CNTNAP2: variants seen among roughly 807,000 people sequenced by gnomAD.
The protein encoded by CNTNAP2 is contactin-associated protein-like 2.
In CNTNAP2, 98 loss-of-function variants were observed where a neutral mutation model predicts 155.2. That is an observed-to-expected ratio of 0.63 (90% confidence interval 0.54 to 0.75). The LOEUF is 0.75. Among genes scored for constraint, CNTNAP2 ranks in the 30% least tolerant of loss-of-function variants. CNTNAP2 has a pLI of 0.00. For missense variants in CNTNAP2, 1,727 were observed against 1,688.1 expected (o/e 1.02, Z -0.40); for synonymous variants, 651 against 631.2 (o/e 1.03, Z -0.47).
intron 1 of CNTNAP2, among the ~76,000 whole-genome samples, chr7:146,450,418 A>G (rs1796461873): frequency 1.3e-5 from 2 of 152,200 alleles, no homozygotes; most frequent in South Asian, 4.1e-4. Context: ...GGCAGGATTT[A>G]CTCATTTTCT....
chr7:146,129,222 A>C (rs1419923238), intron 1 of CNTNAP2, among the ~76,000 whole-genome samples: 1 of 152,190 alleles, frequency 6.6e-6, no homozygotes, highest in Non-Finnish European at 1.5e-5. Flanking sequence ...TTGTTGGCAC[A>C]ATTAGAATCA....
chr7:146,433,813 G>T (rs1282046599), intron 1 of CNTNAP2, among the ~76,000 whole-genome samples: 1 of 152,126 alleles, frequency 6.6e-6, no homozygotes. Flanking sequence ...ATGATATGTT[G>T]ATTTGAATAA....
chr7:146,745,135 A>AAAC (rs953872628), intron 1 of CNTNAP2, among the ~76,000 whole-genome samples: 2 of 152,156 alleles, frequency 1.3e-5, no homozygotes, highest in African/African-American at 2.4e-5. Context: ...TGGTTTTAGA[A>AAAC]AACAACAACA....
At chr7:146,143,866 G>C (rs766335914) in intron 1 of CNTNAP2, among the ~76,000 whole-genome samples, 2 of 151,862 alleles carry the variant, frequency 1.3e-5, no homozygotes, top group Non-Finnish European at 2.9e-5. Flanking sequence ...GGGTTCAAGC[G>C]ATTTTCCTGC....
intron 1 of CNTNAP2, among the ~76,000 whole-genome samples, chr7:146,610,308 C>T (rs1799115295): frequency 6.6e-6 from 1 of 152,096 alleles, no homozygotes; most frequent in Non-Finnish European, 1.5e-5. Context: ...GAGCAGCACC[C>T]AAACAGAGTA....
chr7:147,897,525 T>C (rs951936274), intron 13 of CNTNAP2, among the ~76,000 whole-genome samples: 38 of 152,300 alleles, frequency 2.5e-4, no homozygotes, highest in African/African-American at 8.7e-4. Flanking sequence ...GTCAGCTTTT[T>C]GAATGCAATG....
intron 10 of CNTNAP2, among the ~76,000 whole-genome samples, chr7:147,434,546 A>G (rs1384717767): frequency 6.6e-6 from 1 of 152,232 alleles, no homozygotes; most frequent in East Asian, 1.9e-4. Context: ...GGCTCATAAT[A>G]TCTTCCGTCT....
At chr7:146,850,142 T>C (rs1415889552) in intron 3 of CNTNAP2, among the ~76,000 whole-genome samples, 1 of 152,200 alleles carries the variant, frequency 6.6e-6, no homozygotes, top group Admixed American at 6.5e-5. Flanking sequence ...CAAAAAGATA[T>C]AGTGCTGACA....
intron 1 of CNTNAP2, among the ~76,000 whole-genome samples, chr7:146,624,106 A>T (rs1179064750): frequency 6.6e-6 from 1 of 151,936 alleles, no homozygotes; most frequent in Non-Finnish European, 1.5e-5. Flanking sequence ...CAATTTAGTA[A>T]TTGGGCTATT....
chr7:146,936,324 C>T (rs566388293), intron 3 of CNTNAP2, among the ~76,000 whole-genome samples: 23 of 152,232 alleles, frequency 1.5e-4, no homozygotes, highest in African/African-American at 5.5e-4. Context: ...ACACATAGAT[C>T]CTAGAACAGA....
chr7:148,113,381 C>T (rs1804397609), intron 15 of CNTNAP2, among the ~76,000 whole-genome samples: 1 of 152,196 alleles, frequency 6.6e-6, no homozygotes, highest in Non-Finnish European at 1.5e-5. Flanking sequence ...ATCACAAAGA[C>T]AGCACCAAGG....
intron 18 of CNTNAP2, among the ~76,000 whole-genome samples, chr7:148,200,011 G>T (rs1795342280): frequency 6.6e-6 from 1 of 152,226 alleles, no homozygotes; most frequent in Non-Finnish European, 1.5e-5. Flanking sequence ...GCACAAGAGA[G>T]GGTGAATTCC....
intron 16 of CNTNAP2, among the ~76,000 whole-genome samples, chr7:148,143,453 T>C (rs979454623): frequency 1.3e-5 from 2 of 152,038 alleles, no homozygotes; most frequent in Non-Finnish European, 2.9e-5. Context: ...CTGAGATGGG[T>C]GGATAGCTTG....
rs150216495 is a variant in CNTNAP2, at chr7:147,871,373, T to C, written c.2099-32192T>C. On this transcript the variant is annotated intron_variant, in intron 13 of 23. Transcript: ENST00000361727. The stretch of plus-strand genomic sequence containing the variant: ...CCTCCATGGCCCCCTGCCCCAGATA[T>C]TTTACTGGGCTCGGGCTTTACAAAA... Among the ~76,000 whole-genome samples, 1,493 of 152,336 alleles carry C rather than the reference T, an allele frequency of 9.8e-3. 31 individuals are homozygous for C. Among genetic ancestry groups the C allele is most frequent in the African/African-American group, 0.034 (1,410 of 41,568 alleles).
intron 21 of CNTNAP2, among the ~76,000 whole-genome samples, chr7:148,321,900 T>C (rs1233491700): frequency 6.6e-6 from 1 of 150,970 alleles, no homozygotes; most frequent in Non-Finnish European, 1.5e-5. Context: ...AATTCTTCTT[T>C]TTTTTTTTTT....
chr7:147,551,648 C>G (rs1388199766), intron 11 of CNTNAP2, among the ~76,000 whole-genome samples: 4 of 152,154 alleles, frequency 2.6e-5, no homozygotes, highest in African/African-American at 9.7e-5. Context: ...AGTTCCTTAT[C>G]CTGAACCTAA....
intron 1 of CNTNAP2, among the ~76,000 whole-genome samples, chr7:146,624,702 T>C (rs1286427271): frequency 6.6e-6 from 1 of 151,956 alleles, no homozygotes; most frequent in Non-Finnish European, 1.5e-5. Flanking sequence ...TTGTAGCTAT[T>C]TCATGTCTCT....
At chr7:147,513,819 C>T (rs546808848) in intron 11 of CNTNAP2, among the ~76,000 whole-genome samples, 2 of 152,346 alleles carry the variant, frequency 1.3e-5, no homozygotes, top group African/African-American at 4.8e-5. Flanking sequence ...GAGACGCATG[C>T]TTCAATCTGC....
chr7:146,128,189 A>C (rs909410884), intron 1 of CNTNAP2, among the ~76,000 whole-genome samples: 1 of 152,186 alleles, frequency 6.6e-6, no homozygotes, highest in African/African-American at 2.4e-5. Flanking sequence ...CCTTAGGCTG[A>C]TAGGTATTAG....
Sources: gnomAD v4.1 joint callset for allele counts (sites outside exome capture counted in the v4.1 genomes callset) on GRCh38, gnomAD v4.1.1 for gene constraint, MANE v1.5 for transcripts, NCBI Gene and HGNC (gene_info 2026-07-23, HGNC 2026-07-21) for gene names.